Variants in TRPC6 observed in about 807,000 individuals in gnomAD.
The protein encoded by TRPC6 is short transient receptor potential channel 6.
In TRPC6, 55 loss-of-function variants were observed where a neutral mutation model predicts 90.7. The ratio of observed to expected loss-of-function variants is 0.61; its 90% confidence interval spans 0.49 to 0.76. The LOEUF is 0.76. Ranked by LOEUF, TRPC6 falls within the 30% of genes least tolerant of loss-of-function variation. The probability of loss-of-function intolerance (pLI) is 0.00; values close to 1 mark genes in which losing one functional copy is unlikely to be tolerated. For synonymous variants in TRPC6, 393 were observed against 393.0 expected, an observed-to-expected ratio of 1.00 and a Z score of 0.00; for missense variants, 989 against 1,122.7, an observed-to-expected ratio of 0.88 and a Z score of 1.70.
intron 1 of TRPC6, among the ~76,000 whole-genome samples, chr11:101,532,045 A>G (rs963572986): frequency 6.6e-6 from 1 of 152,242 alleles, no homozygotes; most frequent in Non-Finnish European, 1.5e-5. Flanking sequence ...GAGATCACTC[A>G]TGGTGCTGAA....
At chr11:101,489,521 C>A (rs1859755238) in intron 3 of TRPC6, among the ~76,000 whole-genome samples, 1 of 152,046 alleles carries the variant, frequency 6.6e-6, no homozygotes, top group South Asian at 2.1e-4. Context: ...AGAGTTTATA[C>A]TAAATTCCCG....
chr11:101,534,248 A>G (rs1452798525), intron 1 of TRPC6, among the ~76,000 whole-genome samples: 3 of 152,076 alleles, frequency 2.0e-5, no homozygotes, highest in African/African-American at 7.2e-5. Context: ...AGATTTTGCT[A>G]CTTCAGCCTC....
chr11:101,548,443 T>G (rs935762140), intron 1 of TRPC6, among the ~76,000 whole-genome samples: 1 of 114,284 alleles, frequency 8.8e-6, no homozygotes, highest in African/African-American at 2.9e-5. Flanking sequence ...ATATAATACA[T>G]AATTATATAT....
At chr11:101,462,070 A>C (rs1183412543) in intron 10 of TRPC6, among the ~76,000 whole-genome samples, 3 of 152,168 alleles carry the variant, frequency 2.0e-5, no homozygotes, top group Admixed American at 6.5e-5. Context: ...TTAAATAGGG[A>C]ATCCTTTCCC....
At chr11:101,467,318 A>C (rs927862733) in intron 10 of TRPC6, among the ~76,000 whole-genome samples, 1 of 151,802 alleles carries the variant, frequency 6.6e-6, no homozygotes, top group Non-Finnish European at 1.5e-5. Context: ...CTCTGTCCTC[A>C]CTGGATTAAT....
At chr11:101,574,216 G>A (rs1174319727) in intron 1 of TRPC6, among the ~76,000 whole-genome samples, 1 of 150,928 alleles carries the variant, frequency 6.6e-6, no homozygotes, top group African/African-American at 2.5e-5. Context: ...CTTCTGAGTT[G>A]AAAAGTGATT....
At chr11:101,557,223 C>T (rs1487387626) in intron 1 of TRPC6, among the ~76,000 whole-genome samples, 1 of 152,044 alleles carries the variant, frequency 6.6e-6, no homozygotes, top group Non-Finnish European at 1.5e-5. Flanking sequence ...GGCATGGTGG[C>T]ACATGCCTGT....
At chr11:101,545,757 G>C (rs1861289489) in intron 1 of TRPC6, among the ~76,000 whole-genome samples, 2 of 152,100 alleles carry the variant, frequency 1.3e-5, no homozygotes, top group South Asian at 2.1e-4. Flanking sequence ...GATGGAGAGG[G>C]CTTTATCATT....
chr11:101,559,196 G>T (rs1861655795), intron 1 of TRPC6, among the ~76,000 whole-genome samples: 1 of 152,022 alleles, frequency 6.6e-6, no homozygotes, highest in Non-Finnish European at 1.5e-5. Context: ...ATGAGCAAGA[G>T]ACCTACATAG....
intron 1 of TRPC6, among the ~76,000 whole-genome samples, chr11:101,523,165 T>A (rs140839267): frequency 1.1e-4 from 17 of 152,344 alleles, no homozygotes; most frequent in African/African-American, 3.8e-4. Context: ...GGCACTTTTT[T>A]AGTATTCTTC....
At chr11:101,576,661 T>C (rs75160190) in intron 1 of TRPC6, among the ~76,000 whole-genome samples, 4,340 of 152,280 alleles carry the variant, frequency 0.029, 116 homozygotes, top group African/African-American at 0.068. Flanking sequence ...GAACCAATTA[T>C]ATTTGGCATT....
At chr11:101,558,274 CATGTATATATGTATACAT>C (rs1861617917) in intron 1 of TRPC6, among the ~76,000 whole-genome samples, 2 of 122,626 alleles carry the variant, frequency 1.6e-5, no homozygotes, top group Admixed American at 7.9e-5. Context: ...TATGGGTATA[CATGTATATATGTATACAT>C]GTATATGGGT....
At chr11:101,470,041 T>C (rs1232804090) in intron 9 of TRPC6, among the ~76,000 whole-genome samples, 1 of 152,206 alleles carries the variant, frequency 6.6e-6, no homozygotes. Context: ...TTTTATTTAA[T>C]GATAGAATCT....
chr11:101,509,039 T>C (rs890690079), intron 1 of TRPC6, among the ~76,000 whole-genome samples: 1 of 152,034 alleles, frequency 6.6e-6, no homozygotes, highest in Non-Finnish European at 1.5e-5. Flanking sequence ...GAAGGACACT[T>C]GGACTTCATC....
intron 1 of TRPC6, among the ~76,000 whole-genome samples, chr11:101,516,763 G>A (rs1591104193): frequency 2.0e-5 from 3 of 152,332 alleles, no homozygotes; most frequent in African/African-American, 7.2e-5. Flanking sequence ...TCCTGGGAAC[G>A]CAGGGTTCCT....
intron 10 of TRPC6, among the ~76,000 whole-genome samples, chr11:101,468,768 C>T (rs1055232218): frequency 6.6e-6 from 1 of 152,146 alleles, no homozygotes; most frequent in African/African-American, 2.4e-5. Flanking sequence ...TTGTTTAAAC[C>T]ACCATGATTT....
At position 101,459,218 on chromosome 11, in the gene TRPC6, G is replaced by A. The variant is rs144018178; in HGVS notation, c.2485-4117C>T. 7.9e-3 allele frequency among the ~76,000 whole-genome samples: 1,201 copies of A among 152,250 alleles called. 9 individuals carry two copies. Among genetic ancestry groups the A allele is most frequent in the Middle Eastern group, 0.017 (5 of 294 alleles). ...GAGTTGGAAGTATGAGATGTACCCA[G>A]GATTATACCTATGAGAGATAAAGGG... On this transcript the variant is annotated intron_variant, in intron 10 of 12. Transcript: ENST00000344327.
chr11:101,538,719 A>G (rs1192712132), intron 1 of TRPC6, among the ~76,000 whole-genome samples: 1 of 152,232 alleles, frequency 6.6e-6, no homozygotes, highest in Admixed American at 6.5e-5. Context: ...GATCAGAGAG[A>G]TTGGAAACAT....
chr11:101,457,498 G>A (rs1245740668), intron 10 of TRPC6, among the ~76,000 whole-genome samples: 2 of 152,148 alleles, frequency 1.3e-5, no homozygotes, highest in African/African-American at 4.8e-5. Flanking sequence ...AACAGTTCAT[G>A]GAGTCACCTA....
Sources: gnomAD v4.1 joint callset for allele counts (sites outside exome capture counted in the v4.1 genomes callset) on GRCh38, gnomAD v4.1.1 for gene constraint, MANE v1.5 for transcripts, NCBI Gene and HGNC (gene_info 2026-07-23, HGNC 2026-07-21) for gene names.